Variants in CCS observed in about 807,000 individuals in gnomAD.
The protein encoded by CCS is copper chaperone for superoxide dismutase, also known as superoxide dismutase copper chaperone.
In CCS, 32 loss-of-function variants were observed where a neutral mutation model predicts 35.5. That is an observed-to-expected ratio of 0.90 (90% CI 0.68 to 1.21). The LOEUF (loss-of-function observed/expected upper bound fraction) is 1.21. Ranked by LOEUF, CCS falls within the 50% of genes most tolerant of loss-of-function variation. The probability of loss-of-function intolerance (pLI) is 0.00; values close to 1 mark genes in which losing one functional copy is unlikely to be tolerated. For synonymous variants in CCS, 130 were observed against 147.2 expected (o/e 0.88, Z 0.84); for missense variants, 342 against 375.4 (o/e 0.91, Z 0.73).
chr11:66,602,638 G>C (rs1187598724), intron 5 of CCS, among the ~76,000 whole-genome samples: 1 of 151,756 alleles, frequency 6.6e-6, no homozygotes, highest in African/African-American at 2.4e-5. Context: ...GTAAGAGTGG[G>C]ATTGGCAAGC....
At chr11:66,604,120 C>T (rs1858615167) in intron 5 of CCS, among the ~76,000 whole-genome samples, 1 of 151,976 alleles carries the variant, frequency 6.6e-6, no homozygotes, top group Non-Finnish European at 1.5e-5. Flanking sequence ...ATCTCAGCTA[C>T]TTAGGAGGCT....
chr11:66,600,462 TG>T, intron 4 of CCS, 26 bp from the exon 5 acceptor site: 1 of 1,477,530 alleles, frequency 6.8e-7, no homozygotes, highest in Non-Finnish European at 9.1e-7. Context: ...GCTGCTTTCC[TG>T]CCCACCTGTT....
chr11:66,600,958 C>T (rs1565061288), intron 5 of CCS, among the ~76,000 whole-genome samples: 1 of 152,302 alleles, frequency 6.6e-6, no homozygotes, highest in East Asian at 1.9e-4. Context: ...CCTGGTGTTC[C>T]CTAACACCCC....
Position 66,599,011 on chromosome 11 carries a change from A to G in CCS, c.113-105A>G, listed in dbSNP as rs1858526457. Reference sequence around the variant, plus strand: ...AAGTAGCTTGCCTCTGACCATGGGAAGTTTGGTGGAAATGGGGATGGAGAA... The same window carrying G: ...AAGTAGCTTGCCTCTGACCATGGGAGGTTTGGTGGAAATGGGGATGGAGAA... On this transcript the variant is annotated intron_variant, in intron 2 of 7. Transcript: ENST00000533244. 5 of 1,396,644 alleles carry G rather than the reference A, an allele frequency of 3.6e-6. No homozygotes were observed. The South Asian group carries it at 5.9e-5, about 17-fold the overall frequency. The allele number at this position is 1,396,644 out of a possible 1,614,324, so 86.5% of individuals were successfully genotyped here. A position where few individuals can be genotyped will look rare whatever the true frequency, so the allele number is the denominator to read the frequency against.
Position 66,599,462 on chromosome 11 carries a change from A to G in CCS, c.254A>G (p.Asn85Ser). The G allele has an allele frequency of 3.3e-6, 5 of 1,527,760 alleles. No homozygotes were observed. Among genetic ancestry groups the G allele is most frequent in the Non-Finnish European group, 4.4e-6 (5 of 1,141,814 alleles). 94.6% of individuals were successfully genotyped at this position (1,527,760 alleles called of 1,614,324 possible). The change falls in exon 4 of 8, where the codon AAT (asparagine) becomes AGT (serine). Residue 85 changes from asparagine (N) to serine (S), a missense_variant. Asn to Ser is a conservative substitution (Grantham distance 46). Coordinates refer to ENST00000533244, the MANE Select transcript of CCS (RefSeq NM_005125.2). ...CCAAGTGTCTAATACCTTGCAGAGA[A>G]TCTGGGGGCAGCAGTGGCCATCCTG... Reference protein sequence around the residue: ...LKGMGSGQLQNLGAAVAILGG... With the variant: ...LKGMGSGQLQSLGAAVAILGG...
intron 4 of CCS, 122 bp downstream of exon 4, chr11:66,599,758 C>T (rs1229231694): frequency 3.2e-6 from 3 of 948,582 alleles, no homozygotes; most frequent in Non-Finnish European, 4.7e-6. Context: ...AACTGAGGCT[C>T]ACAGAGGTTA....
chr11:66,596,176 C>G (rs1267674217), intron 2 of CCS, among the ~76,000 whole-genome samples: 1 of 151,670 alleles, frequency 6.6e-6, no homozygotes, highest in Non-Finnish European at 1.5e-5. Flanking sequence ...ATTTGATTCT[C>G]CCACCTCAGC....
Position 66,593,533 on chromosome 11 carries a change from G to A in CCS, c.40-109G>A, listed in dbSNP as rs1858419171. On this transcript the variant is annotated intron_variant, in intron 1 of 7. Transcript: ENST00000533244. The stretch of plus-strand genomic sequence containing the variant: ...AAGAAGGTGCTTGAAGAGGGGTTAA[G>A]TGGGGCTTGTTCCCAGACCCTTGCG... 4 of 1,188,274 alleles carry A rather than the reference G, an allele frequency of 3.4e-6. No individual in the cohort carries two copies. In the Admixed American group the frequency reaches 6.0e-5, roughly 18 times the overall value. The allele number at this position is 1,188,274 out of a possible 1,614,324, so 73.6% of individuals were successfully genotyped here.
At chr11:66,593,564 C>T in intron 1 of CCS, 78 bp from the exon 2 acceptor site, 2 of 1,436,984 alleles carry the variant, frequency 1.4e-6, no homozygotes, top group South Asian at 2.4e-5. Context: ...TTGCGGTGGT[C>T]ATAGGGTAGG....
At chr11:66,602,096 T>C (rs1858580882) in intron 5 of CCS, among the ~76,000 whole-genome samples, 1 of 152,218 alleles carries the variant, frequency 6.6e-6, no homozygotes, top group Admixed American at 6.5e-5. Flanking sequence ...TGGAGAGGCA[T>C]TTCTTATAGA....
At position 66,605,286 on chromosome 11, in the gene CCS, G is replaced by C. The variant is rs1858635399; in HGVS notation, c.490-53G>C. On this transcript the variant is annotated intron_variant, in intron 5 of 7. Transcript: ENST00000533244. ...GGAATCAGGAAATCAGAAGATAGCA[G>C]CTTGGCACCACGTGGCACACATCCC... The C allele has an allele frequency of 3.1e-6, 5 of 1,609,852 alleles. No homozygotes were observed. The African/African-American group carries it at 6.7e-5, about 21-fold the overall frequency.
intron 2 of CCS, among the ~76,000 whole-genome samples, chr11:66,597,709 G>A (rs1163827846): frequency 6.6e-6 from 1 of 151,242 alleles, no homozygotes; most frequent in African/African-American, 2.4e-5. Flanking sequence ...CCCAGATGGC[G>A]CCACTGCACT....
intron 2 of CCS, among the ~76,000 whole-genome samples, chr11:66,598,279 A>T (rs1333623321): frequency 6.6e-6 from 1 of 151,732 alleles, no homozygotes; most frequent in Non-Finnish European, 1.5e-5. Flanking sequence ...AGGCAGGCAG[A>T]TGACCTGAGG....
chr11:66,593,305 G>A lies in CCS; in HGVS notation c.39+5G>A, dbSNP rs928754550. On this transcript the variant is annotated splice_donor_5th_base_variant and intron_variant, in intron 1 of 7. Coordinates refer to ENST00000533244, the MANE Select transcript of CCS (RefSeq NM_005125.2). Reference sequence around the variant, plus strand: ...AACCAGGGGACCCTCTGCACGGTGAGGGTCGAGGCTTCGTGTGGAGCCTCG... The same window carrying A: ...AACCAGGGGACCCTCTGCACGGTGAAGGTCGAGGCTTCGTGTGGAGCCTCG... 9 of 1,534,384 alleles carry A rather than the reference G, an allele frequency of 5.9e-6. No homozygotes were observed. Among genetic ancestry groups the A allele is most frequent in the East Asian group, 2.4e-5 (1 of 41,462 alleles).
Position 66,593,653 on chromosome 11 carries a change from G to A in CCS, c.51G>A (p.Ala17=). 1 of 1,613,892 alleles carries A rather than the reference G, an allele frequency of 6.2e-7. No individual in the cohort carries two copies. Among genetic ancestry groups the A allele is most frequent in the Non-Finnish European group, 8.5e-7 (1 of 1,179,994 alleles). The change falls in exon 2 of 8, where the codon GCG becomes GCA. Residue 17 remains alanine, a synonymous_variant. Coordinates refer to ENST00000533244, the MANE Select transcript of CCS (RefSeq NM_005125.2). The part of the protein sequence containing the change: ...NQGTLCTLEF[A]VQMTCQSCVD... ...TGCCGCCCTTGCAGTTGGAGTTCGCGGTGCAGATGACCTGTCAGAGCTGTG... is the reference window on the plus strand; with the variant it reads ...TGCCGCCCTTGCAGTTGGAGTTCGCAGTGCAGATGACCTGTCAGAGCTGTG...
chr11:66,604,099 G>A (rs184894197), intron 5 of CCS, among the ~76,000 whole-genome samples: 58 of 151,808 alleles, frequency 3.8e-4, no homozygotes, highest in African/African-American at 1.2e-3. Context: ...GCGTAGTGGC[G>A]CGTGCCTGTA....
intron 5 of CCS, among the ~76,000 whole-genome samples, chr11:66,601,219 A>G (rs960278758): frequency 6.6e-6 from 1 of 152,048 alleles, no homozygotes; most frequent in African/African-American, 2.4e-5. Context: ...CAGCCTCCCT[A>G]ATAGCTGGGA....
At chr11:66,594,929 G>A (rs528859854) in intron 2 of CCS, among the ~76,000 whole-genome samples, 4 of 152,308 alleles carry the variant, frequency 2.6e-5, no homozygotes, top group South Asian at 2.1e-4. Flanking sequence ...GATGGCATTC[G>A]CAGAATGCTT....
At chr11:66,602,718 G>A (rs146054277) in intron 5 of CCS, among the ~76,000 whole-genome samples, 1 of 152,360 alleles carries the variant, frequency 6.6e-6, no homozygotes, top group African/African-American at 2.4e-5. Flanking sequence ...TGAAGGGCAG[G>A]AGCCTGTCTT....
Sources: gnomAD v4.1 joint callset for allele counts (sites outside exome capture counted in the v4.1 genomes callset) on GRCh38, gnomAD v4.1.1 for gene constraint, MANE v1.5 for transcripts, NCBI Gene and HGNC (gene_info 2026-07-23, HGNC 2026-07-21) for gene names.